EIPR1: variants seen among roughly 807,000 people sequenced by gnomAD.
The protein encoded by EIPR1 is EARP complex and GARP complex interacting protein 1.
A neutral mutation model predicts 48.1 loss-of-function variants in EIPR1; 25 were observed. That is an observed-to-expected ratio of 0.52 (90% CI 0.38 to 0.73). EIPR1 has a LOEUF of 0.73. Among genes scored for constraint, EIPR1 ranks in the 30% least tolerant of loss-of-function variants. The pLI is 0.00. For synonymous variants in EIPR1, 204 were observed against 201.9 expected (o/e 1.01, Z -0.09); for missense variants, 415 against 506.2 (o/e 0.82, Z 1.73).
At chr2:3,364,564 G>A (rs1193749370) in intron 1 of EIPR1, among the ~76,000 whole-genome samples, 10 of 151,938 alleles carry the variant, frequency 6.6e-5, no homozygotes, top group Non-Finnish European at 1.3e-4. Context: ...GAGCCTGGGA[G>A]GCAGAGGGTG....
At chr2:3,204,601 G>C (rs996159665) in intron 5 of EIPR1, among the ~76,000 whole-genome samples, 20 of 152,228 alleles carry the variant, frequency 1.3e-4, no homozygotes, top group Non-Finnish European at 2.6e-4. Flanking sequence ...AAACTTTCAA[G>C]GGAGATGTTA....
At chr2:3,256,416 T>C (rs1480295010) in intron 4 of EIPR1, among the ~76,000 whole-genome samples, 1 of 152,192 alleles carries the variant, frequency 6.6e-6, no homozygotes, top group Non-Finnish European at 1.5e-5. Context: ...GTGGAGATCA[T>C]GACTCTCGGA....
intron 3 of EIPR1, among the ~76,000 whole-genome samples, chr2:3,294,454 AAC>A (rs1668467856): frequency 2.0e-5 from 1 of 50,384 alleles, no homozygotes; most frequent in Non-Finnish European, 4.0e-5. Flanking sequence ...CCTCTCTCCA[AAC>A]ACACACCCTC....
chr2:3,375,273 T>C (rs1659836512), intron 1 of EIPR1, among the ~76,000 whole-genome samples: 1 of 149,764 alleles, frequency 6.7e-6, no homozygotes. Context: ...GAGATATACC[T>C]AATGCTGAAT....
chr2:3,209,742 T>G (rs1023568104), intron 5 of EIPR1, among the ~76,000 whole-genome samples: 2 of 152,198 alleles, frequency 1.3e-5, no homozygotes, highest in African/African-American at 4.8e-5. Context: ...CCTTGACTGC[T>G]TATTACTAAG....
chr2:3,277,242 C>T (rs1215821501), intron 3 of EIPR1, among the ~76,000 whole-genome samples: 1 of 151,246 alleles, frequency 6.6e-6, no homozygotes, highest in East Asian at 1.9e-4. Context: ...ACCCACGCGG[C>T]CCCACACCTG....
intron 5 of EIPR1, among the ~76,000 whole-genome samples, chr2:3,205,052 A>G (rs1343958436): frequency 6.6e-6 from 1 of 152,234 alleles, no homozygotes; most frequent in Non-Finnish European, 1.5e-5. Context: ...CCTTGGACAG[A>G]GAACAGCAGG....
chr2:3,194,417 GAAT>G (rs1338753418), intron 6 of EIPR1: 4 of 329,450 alleles, frequency 1.2e-5, no homozygotes, highest in African/African-American at 4.1e-5. Context: ...GCCGTGGAAG[GAAT>G]TTTTGCTTTG....
At chr2:3,300,204 TC>T (rs1339660021) in intron 3 of EIPR1, among the ~76,000 whole-genome samples, 1 of 152,166 alleles carries the variant, frequency 6.6e-6, no homozygotes, top group Admixed American at 6.5e-5. Context: ...AAAATGAATG[TC>T]CTATATTATG....
chr2:3,373,078 A>G lies in EIPR1; in HGVS notation c.42+4570T>C, dbSNP rs1168950471. Among the ~76,000 whole-genome samples, 11 of 152,214 alleles carry G rather than the reference A, an allele frequency of 7.2e-5. 1 individual carries two copies. Among genetic ancestry groups the G allele is most frequent in the Admixed American group, 7.2e-4 (11 of 15,280 alleles). On this transcript the variant is annotated intron_variant, in intron 1 of 8. Transcript: ENST00000382125. Reference sequence around the variant, plus strand: ...CTGGGATACAAGGCTGGTTCAATCTACGCAAATCAATAAATGTAATCCAGC... The same window carrying G: ...CTGGGATACAAGGCTGGTTCAATCTGCGCAAATCAATAAATGTAATCCAGC...
At chr2:3,247,256 G>A (rs889415008) in intron 4 of EIPR1, among the ~76,000 whole-genome samples, 4 of 152,152 alleles carry the variant, frequency 2.6e-5, no homozygotes, top group Admixed American at 2.0e-4. Flanking sequence ...GGGAAACGGA[G>A]CACAACAAGA....
intron 1 of EIPR1, among the ~76,000 whole-genome samples, chr2:3,374,890 A>G (rs1158861321): frequency 1.2e-4 from 17 of 146,350 alleles, no homozygotes; most frequent in African/African-American, 4.4e-4. Flanking sequence ...GTATATACCC[A>G]AAGGACTATA....
chr2:3,200,608 T>TG (rs1409514583), intron 5 of EIPR1, among the ~76,000 whole-genome samples: 3 of 137,822 alleles, frequency 2.2e-5, no homozygotes, highest in Non-Finnish European at 4.6e-5. Flanking sequence ...CCGCCACGTG[T>TG]GGGGCCTCGG....
intron 1 of EIPR1, among the ~76,000 whole-genome samples, chr2:3,355,131 A>AT (rs140077937): frequency 6.6e-6 from 1 of 152,292 alleles, no homozygotes; most frequent in East Asian, 1.9e-4. Context: ...CCAGGACAGG[A>AT]GGAAGCCTAG....
intron 3 of EIPR1, among the ~76,000 whole-genome samples, chr2:3,294,815 C>CCA (rs1668490186): frequency 6.9e-5 from 8 of 115,282 alleles, no homozygotes; most frequent in South Asian, 3.3e-4. Flanking sequence ...CATCCTCTCT[C>CCA]CACACACCCT....
At chr2:3,343,340 G>A (rs994717813) in intron 2 of EIPR1, among the ~76,000 whole-genome samples, 2 of 152,180 alleles carry the variant, frequency 1.3e-5, no homozygotes, top group Admixed American at 1.3e-4. Flanking sequence ...ACATACGCAG[G>A]TACAGGCCGG....
At chr2:3,370,091 G>A (rs750927715) in intron 1 of EIPR1, among the ~76,000 whole-genome samples, 29 of 152,122 alleles carry the variant, frequency 1.9e-4, no homozygotes, top group African/African-American at 4.6e-4. Context: ...GAAAATCCGC[G>A]GTTCTGCAGA....
chr2:3,346,355 CAG>C (rs1216025499), intron 2 of EIPR1, among the ~76,000 whole-genome samples: 1 of 152,224 alleles, frequency 6.6e-6, no homozygotes, highest in Non-Finnish European at 1.5e-5. Context: ...CTTCTCTAGA[CAG>C]AAAGCCAATG....
intron 6 of EIPR1, among the ~76,000 whole-genome samples, chr2:3,196,226 T>A (rs1664802318): frequency 6.6e-6 from 1 of 152,148 alleles, no homozygotes; most frequent in Non-Finnish European, 1.5e-5. Context: ...TCAACACGAG[T>A]TATTGCATGA....
Sources: gnomAD v4.1 joint callset for allele counts (sites outside exome capture counted in the v4.1 genomes callset) on GRCh38, gnomAD v4.1.1 for gene constraint, MANE v1.5 for transcripts, NCBI Gene and HGNC (gene_info 2026-07-23, HGNC 2026-07-21) for gene names.